The following SNX29 variants were observed in gnomAD, a reference collection of about 807,000 sequenced individuals.
The protein encoded by SNX29 is sorting nexin-29.
SNX29 carries 78 observed loss-of-function variants against 102.1 expected under a neutral mutation model. The ratio of observed to expected loss-of-function variants is 0.76; its 90% CI spans 0.64 to 0.92. The LOEUF is 0.92. Among genes scored for constraint, SNX29 ranks in the 40% least tolerant of loss-of-function variants. The probability of loss-of-function intolerance (pLI) is 0.00; values close to 1 mark genes in which losing one functional copy is unlikely to be tolerated. For missense variants in SNX29, 1,280 were observed against 1,061.7 expected (o/e 1.21, Z -2.86); for synonymous variants, 580 against 414.5 (o/e 1.40, Z -4.85).
chr16:12,523,323 G>A (rs1230330197), intron 19 of SNX29, among the ~76,000 whole-genome samples: 1 of 152,204 alleles, frequency 6.6e-6, no homozygotes, highest in Non-Finnish European at 1.5e-5. Flanking sequence ...ACGCGCCGTC[G>A]TCATAGAACA....
intron 15 of SNX29, among the ~76,000 whole-genome samples, chr16:12,307,431 G>A (rs1355581982): frequency 6.6e-6 from 1 of 152,212 alleles, no homozygotes; most frequent in East Asian, 1.9e-4. Flanking sequence ...ACATCATGAG[G>A]ACAGTGCCAG....
chr16:12,436,124 G>C (rs1391043223), intron 18 of SNX29, among the ~76,000 whole-genome samples: 1 of 152,186 alleles, frequency 6.6e-6, no homozygotes, highest in African/African-American at 2.4e-5. Flanking sequence ...CGTAGCTGAA[G>C]GTTGATTTTC....
intron 14 of SNX29, among the ~76,000 whole-genome samples, chr16:12,251,321 A>G (rs1430850071): frequency 6.6e-6 from 1 of 152,346 alleles, no homozygotes; most frequent in East Asian, 1.9e-4. Flanking sequence ...TGTCATCGCC[A>G]TTATGTTCAT....
At chr16:12,538,106 G>C (rs925467034) in intron 20 of SNX29, among the ~76,000 whole-genome samples, 11 of 142,074 alleles carry the variant, frequency 7.7e-5, no homozygotes, top group African/African-American at 2.9e-4. Context: ...ACAGCTTTCT[G>C]CATTTCCCCT....
chr16:12,521,724 A>G (rs1286615272), intron 19 of SNX29, among the ~76,000 whole-genome samples: 2 of 152,152 alleles, frequency 1.3e-5, no homozygotes, highest in African/African-American at 4.8e-5. Flanking sequence ...CATCTTAACC[A>G]CCTTCCCAAG....
chr16:11,999,416 G>T (rs1390006661), intron 2 of SNX29, 58 bp downstream of exon 2: 1 of 1,557,748 alleles, frequency 6.4e-7, no homozygotes. Context: ...GATAATTAAT[G>T]TAGGTCATTT....
chr16:12,468,265 C>T (rs1327331945), intron 18 of SNX29, among the ~76,000 whole-genome samples: 4 of 149,906 alleles, frequency 2.7e-5, no homozygotes, highest in African/African-American at 7.4e-5. Context: ...ACCTCTGCCT[C>T]CCAGTTTCAG....
At chr16:12,528,353 C>G (rs551016678) in intron 20 of SNX29, among the ~76,000 whole-genome samples, 1 of 152,076 alleles carries the variant, frequency 6.6e-6, no homozygotes, top group African/African-American at 2.4e-5. Context: ...TGTGTCACCA[C>G]GCTCAGCTAA....
intron 15 of SNX29, among the ~76,000 whole-genome samples, chr16:12,278,375 T>C (rs1461760056): frequency 6.6e-6 from 1 of 152,158 alleles, no homozygotes; most frequent in Non-Finnish European, 1.5e-5. Flanking sequence ...TGTGAAAATA[T>C]GGATGAGGTG....
chr16:12,551,503 C>T (rs971267284), intron 20 of SNX29, among the ~76,000 whole-genome samples: 2 of 152,170 alleles, frequency 1.3e-5, no homozygotes, highest in African/African-American at 4.8e-5. Flanking sequence ...ATCTTTGGGC[C>T]TCAGCATCAG....
chr16:12,560,048 A>G (rs1198221508), intron 20 of SNX29, among the ~76,000 whole-genome samples: 1 of 152,010 alleles, frequency 6.6e-6, no homozygotes, highest in Non-Finnish European at 1.5e-5. Context: ...CACAAAGAAA[A>G]ATGACTAGAA....
chr16:12,219,421 C>T (rs1367731289), intron 14 of SNX29, among the ~76,000 whole-genome samples: 3 of 152,144 alleles, frequency 2.0e-5, no homozygotes, highest in South Asian at 2.1e-4. Flanking sequence ...ACGTGCAGAA[C>T]GTTCTCATGT....
chr16:12,556,618 CAAG>C (rs2078367604), intron 20 of SNX29: 1 of 152,174 alleles, frequency 6.6e-6, no homozygotes, highest in Admixed American at 6.6e-5. Flanking sequence ...AGGGTCAAGG[CAAG>C]AAGGGACGGT....
rs1413669951 is a variant in SNX29, at chr16:12,569,548, TAAC to T, written c.*921_*923del. On this transcript the variant is annotated 3_prime_UTR_variant, in exon 21 of 21. Coordinates refer to ENST00000566228, the MANE Select transcript of SNX29 (RefSeq NM_032167.5). ...TGAAGTTGGACCCAGTGTGGACACT[TAAC>T]AGATCATGTGTCTCTCCACTAAAAA... 1 of 231,240 alleles carries T rather than the reference TAAC, an allele frequency of 4.3e-6. No individual in the cohort carries two copies. The highest frequency in any genetic ancestry group is 5.7e-5 in the Admixed American group (1 of 17,692). 14.3% of individuals were successfully genotyped at this position (231,240 alleles called of 1,614,324 possible). A position where few individuals can be genotyped will look rare whatever the true frequency, so the allele number is the denominator to read the frequency against.
intron 14 of SNX29, among the ~76,000 whole-genome samples, chr16:12,231,491 T>C (rs970860574): frequency 2.6e-5 from 4 of 152,086 alleles, no homozygotes; most frequent in Non-Finnish European, 4.4e-5. Flanking sequence ...AGCTAGTGGA[T>C]AGACCAGAGT....
At chr16:12,099,446 C>T (rs1040241710) in intron 11 of SNX29, among the ~76,000 whole-genome samples, 1 of 152,242 alleles carries the variant, frequency 6.6e-6, no homozygotes, top group South Asian at 2.1e-4. Flanking sequence ...GTTGGTGCTG[C>T]ATTGTTCCTG....
chr16:12,498,738 G>C (rs1023416306), intron 19 of SNX29, among the ~76,000 whole-genome samples: 9 of 152,202 alleles, frequency 5.9e-5, no homozygotes, highest in Admixed American at 5.2e-4. Context: ...TCTAAGTCAG[G>C]TCATAGGAGG....
At chr16:12,193,518 C>A (rs907492743) in intron 13 of SNX29, among the ~76,000 whole-genome samples, 5 of 151,140 alleles carry the variant, frequency 3.3e-5, no homozygotes, top group African/African-American at 1.2e-4. Flanking sequence ...CAGTTAAACT[C>A]TTTTTTCTAC....
chr16:12,564,214 C>T (rs1230056310), intron 20 of SNX29, among the ~76,000 whole-genome samples: 3 of 136,230 alleles, frequency 2.2e-5, no homozygotes, highest in Non-Finnish European at 4.7e-5. Flanking sequence ...ATAGGGAGAC[C>T]CCCACATCTC....
Sources: allele counts gnomAD v4.1 joint callset (sites outside exome capture counted in the v4.1 genomes callset), GRCh38; gene constraint gnomAD v4.1.1; transcripts MANE v1.5; gene names NCBI Gene and HGNC (gene_info 2026-07-23, HGNC 2026-07-21).